The following PIGG variants were observed in gnomAD, a reference collection of about 807,000 sequenced individuals.
PIGG encodes the protein GPI ethanolamine phosphate transferase 2, catalytic subunit.
Under a neutral mutation model 83.2 loss-of-function variants are expected in PIGG, and 70 were observed. The observed-to-expected ratio is 0.84, with a 90% CI of 0.69 to 1.03. The LOEUF is 1.03. Among genes scored for constraint, PIGG ranks in the 50% least tolerant of loss-of-function variants. The pLI is 0.00. For missense variants in PIGG, 1,257 were observed against 1,233.6 expected, an observed-to-expected ratio of 1.02 and a Z score of -0.28; for synonymous variants, 532 against 519.5, an observed-to-expected ratio of 1.02 and a Z score of -0.33.
intron 10 of PIGG, among the ~76,000 whole-genome samples, chr4:530,135 G>A (rs1339535264): frequency 6.6e-6 from 1 of 152,114 alleles, no homozygotes; most frequent in Non-Finnish European, 1.5e-5. Context: ...GCACCGCTTG[G>A]GTCGTGCCAC....
chr4:507,341 C>A (rs933903659), intron 3 of PIGG, 64 bp from the exon 4 acceptor site: 7 of 1,317,510 alleles, frequency 5.3e-6, no homozygotes, highest in Non-Finnish European at 7.4e-6. Context: ...GTTGCGTTTT[C>A]CCCGGGGAGT....
Position 530,762 on chromosome 4 carries a change from A to G in PIGG, c.2571+17A>G. ...TATTTTCAGGTAGGTTTTCATTATTATCATGGGTAGTAGACTTCATGTTTT... is the reference window on the plus strand; with the variant it reads ...TATTTTCAGGTAGGTTTTCATTATTGTCATGGGTAGTAGACTTCATGTTTT... On this transcript the variant is annotated intron_variant, in intron 11 of 12. Transcript: ENST00000453061. 6.6e-7 allele frequency: 1 copy of G among 1,508,238 alleles called. No individual in the cohort carries two copies. The highest frequency in any genetic ancestry group is 9.2e-7 in the Non-Finnish European group (1 of 1,088,328). 93.4% of individuals were successfully genotyped at this position (1,508,238 alleles called of 1,614,324 possible).
chr4:512,620 G>GC (rs1295424410), intron 5 of PIGG, among the ~76,000 whole-genome samples: 1 of 151,878 alleles, frequency 6.6e-6, no homozygotes, highest in Non-Finnish European at 1.5e-5. Flanking sequence ...TTCGAGACCA[G>GC]CCTGACCAAC....
chr4:507,176 G>A (rs1720013468), intron 3 of PIGG, among the ~76,000 whole-genome samples: 1 of 152,216 alleles, frequency 6.6e-6, no homozygotes, highest in South Asian at 2.1e-4. Flanking sequence ...TTGGCCTCAA[G>A]CAGTCTTCCC....
Position 523,886 on chromosome 4 carries a change from G to A in PIGG, c.2042G>A (p.Arg681Gln), listed in dbSNP as rs996876333. 22 of 1,544,818 alleles carry A rather than the reference G, an allele frequency of 1.4e-5. No individual in the cohort carries two copies. Among genetic ancestry groups the A allele is most frequent in the South Asian group, 7.1e-5 (6 of 84,710 alleles). ...LNQTGVQWAH[R>Q]PDLGHWLTSS... is the part of the protein sequence containing the mutation. ...CAGACAGGTGTGCAGTGGGCTCACCGGCCTGACCTCGGCCACTGGCTCACC... is the reference window on the plus strand; with the variant it reads ...CAGACAGGTGTGCAGTGGGCTCACCAGCCTGACCTCGGCCACTGGCTCACC... Residue 681 changes from arginine to glutamine, a missense_variant, in exon 9 of 13, where the codon CGG becomes CAG. Arg to Gln is a conservative substitution (Grantham distance 43). Coordinates refer to ENST00000453061, the MANE Select transcript of PIGG (RefSeq NM_001127178.3).
rs550790895 is a variant in PIGG at position 530,592 on chromosome 4, C to T, written c.2418C>T (p.Ala806=). 6.2e-7 allele frequency: 1 copy of T among 1,614,002 alleles called. No homozygotes were observed. The highest frequency in any genetic ancestry group is 2.2e-5 in the East Asian group (1 of 44,880). Residue 806 remains alanine, a synonymous_variant, in exon 11 of 13, where the codon GCC becomes GCT. Coordinates refer to ENST00000453061, the MANE Select transcript of PIGG (RefSeq NM_001127178.3). ...EIYSGLVLLA[A]LLFRPHNLPV... ...ATAGTGGATTAGTTCTTCTGGCAGCCTTGCTCTTTAGACCACATAATCTTC... is the reference window on the plus strand; with the variant it reads ...ATAGTGGATTAGTTCTTCTGGCAGCTTTGCTCTTTAGACCACATAATCTTC...
intron 2 of PIGG, chr4:501,667 A>G (rs977827709): frequency 3.2e-5 from 5 of 154,704 alleles, no homozygotes; most frequent in Admixed American, 6.5e-5. Flanking sequence ...GCACAGTGCC[A>G]TATCACTCAC....
At chr4:523,056 G>C (rs1205512379) in intron 8 of PIGG, among the ~76,000 whole-genome samples, 1 of 152,184 alleles carries the variant, frequency 6.6e-6, no homozygotes, top group Non-Finnish European at 1.5e-5. Flanking sequence ...GAAGACCTAA[G>C]CTCTTCCAGA....
At chr4:539,123 G>T in intron 12 of PIGG, 30 bp from the exon 13 acceptor site, 1 of 1,379,298 alleles carries the variant, frequency 7.3e-7, no homozygotes. Context: ...AGTGGCATGT[G>T]CTAATACACA....
chr4:499,469 CA>C lies in PIGG; in HGVS notation c.135del (p.Ala46ArgfsTer27), dbSNP rs1553874217. 6 of 1,600,448 alleles carry C rather than the reference CA, an allele frequency of 3.7e-6. No individual in the cohort carries two copies. The South Asian group carries it at 6.6e-5, about 18-fold the overall frequency. The part of the protein sequence containing the change: ...SARAEHGAEP[P>X]APEPSAGASS... ...AGAGCGGAACACGGAGCGGAGCCCC[CA>C]GCGCCCGAACCCTCGGCTGGTACGG... On this transcript the variant is annotated frameshift_variant, in exon 1 of 13. Coordinates refer to ENST00000453061, the MANE Select transcript of PIGG (RefSeq NM_001127178.3). LOFTEE classifies it high-confidence loss of function.
At chr4:520,469 G>A (rs916673720) in intron 6 of PIGG, among the ~76,000 whole-genome samples, 5 of 145,896 alleles carry the variant, frequency 3.4e-5, no homozygotes, top group Non-Finnish European at 7.4e-5. Context: ...TGTGAGCAGA[G>A]AGGGCTGGAA....
Position 507,385 on chromosome 4 carries a change from C to A in PIGG, c.571-20C>A. ...AGGGAAATTAGGTGAGTTGTTTATA[C>A]GTGTGTTTCCCCTTCAAAGGTGGAT... On this transcript the variant is annotated intron_variant, in intron 3 of 12. Transcript: ENST00000453061. The A allele has an allele frequency of 4.4e-6, 7 of 1,582,694 alleles. No individual in the cohort carries two copies. The highest frequency in any genetic ancestry group is 1.1e-5 in the South Asian group (1 of 88,326).
chr4:531,324 C>G (rs1197044129), intron 11 of PIGG: 3 of 158,648 alleles, frequency 1.9e-5, no homozygotes, highest in Non-Finnish European at 4.2e-5. Context: ...TCAGAGGGAT[C>G]CAGCCTCATC....
At chr4:532,591 A>C (rs534411786) in intron 11 of PIGG, 1 of 152,500 alleles carries the variant, frequency 6.6e-6, no homozygotes, top group East Asian at 1.9e-4. Flanking sequence ...GACAACAGGG[A>C]TAGGAGTCAA....
chr4:530,288 G>T (rs1170418798), intron 10 of PIGG, 148 bp from the exon 11 acceptor site: 3 of 628,180 alleles, frequency 4.8e-6, no homozygotes, highest in East Asian at 2.7e-5. Context: ...CAGGACCTGG[G>T]GGGTAGGGAG....
chr4:521,112 C>A lies in PIGG; in HGVS notation c.1171C>A (p.Leu391Met). ...AAGATTGCATGGGAACTGGATCAGA[C>A]TGTACTTGGAGGAAAAGCATTCAGA... Reference protein sequence around the residue: ...SERLHGNWIRLYLEEKHSEVL... With the variant: ...SERLHGNWIRMYLEEKHSEVL... The change falls in exon 7 of 13, where the codon CTG becomes ATG. Residue 391 changes from leucine to methionine, a missense_variant. Physicochemically the swap from Leu to Met is conservative, Grantham distance 15 (BLOSUM62 2). Coordinates refer to ENST00000453061, the MANE Select transcript of PIGG (RefSeq NM_001127178.3). 6.2e-7 allele frequency: 1 copy of A among 1,614,130 alleles called. No homozygotes were observed. Among genetic ancestry groups the A allele is most frequent in the Non-Finnish European group, 8.5e-7 (1 of 1,179,984 alleles).
intron 5 of PIGG, among the ~76,000 whole-genome samples, chr4:512,677 T>C (rs1483793136): frequency 1.3e-5 from 2 of 151,496 alleles, no homozygotes; most frequent in African/African-American, 2.4e-5. Flanking sequence ...TAGCCAGATG[T>C]GGTGGTGGGC....
At chr4:529,002 C>T (rs1728380766) in intron 10 of PIGG, among the ~76,000 whole-genome samples, 1 of 152,198 alleles carries the variant, frequency 6.6e-6, no homozygotes, top group Admixed American at 6.5e-5. Context: ...CTGCCATCCA[C>T]TGAGAGTCTG....
At position 521,802 on chromosome 4, in the gene PIGG, C is replaced by T. The variant is rs1240448750; in HGVS notation, c.1475C>T (p.Thr492Ile). The change falls in exon 8 of 13, where the codon ACC (threonine) becomes ATC (isoleucine). Residue 492 changes from threonine to isoleucine, a missense_variant. Physicochemically the swap from Thr to Ile is moderately conservative, Grantham distance 89 (BLOSUM62 -1). Coordinates refer to ENST00000453061, the MANE Select transcript of PIGG (RefSeq NM_001127178.3). ...VLSAVHVIVC[T>I]SAESSCYFCG... ...TCGGCCGTTCACGTCATTGTGTGCA[C>T]CTCAGCTGAAAGTTCGTGCTACTTC... The T allele has an allele frequency of 6.2e-7, 1 of 1,614,200 alleles. No homozygotes were observed. The highest frequency in any genetic ancestry group is 1.7e-5 in the Admixed American group (1 of 60,020).
Sources: allele counts gnomAD v4.1 joint callset (sites outside exome capture counted in the v4.1 genomes callset), GRCh38; gene constraint gnomAD v4.1.1; transcripts MANE v1.5; gene names NCBI Gene and HGNC (gene_info 2026-07-23, HGNC 2026-07-21).